The following SLC11A2 variants were observed in gnomAD, a reference collection of about 807,000 sequenced individuals.
SLC11A2 encodes the protein natural resistance-associated macrophage protein 2.
SLC11A2 carries 38 observed loss-of-function variants against 68.0 expected under a neutral mutation model. The ratio of observed to expected loss-of-function variants is 0.56; its 90% confidence interval spans 0.43 to 0.73. The LOEUF is 0.73. SLC11A2 is among the 30% of genes least tolerant of loss of function. The probability of loss-of-function intolerance (pLI) is 0.00; values close to 1 mark genes in which losing one functional copy is unlikely to be tolerated. For missense variants in SLC11A2, 517 were observed against 690.5 expected (o/e 0.75, Z 2.82); for synonymous variants, 242 against 250.6 (o/e 0.97, Z 0.32).
At chr12:51,000,741 C>A in intron 5 of SLC11A2, 1 of 587,178 alleles carries the variant, frequency 1.7e-6, no homozygotes, top group Non-Finnish European at 3.0e-6. Context: ...TTCCTAAAAA[C>A]AATCCTAAAA....
the SLC11A2 span, chr12:50,954,191 T>C: frequency 4.2e-6 from 3 of 720,496 alleles, no homozygotes; most frequent in African/African-American, 5.3e-5. Context: ...AATTGAATTT[T>C]TTCAGATAAT....
At chr12:51,008,169 C>T in intron 3 of SLC11A2, 1 of 293,064 alleles carries the variant, frequency 3.4e-6, no homozygotes, top group Non-Finnish European at 6.5e-6. Flanking sequence ...TGTGCCACTG[C>T]ACTGGAGCCT....
chr12:50,973,723 A>G, the SLC11A2 span, among the ~76,000 whole-genome samples: 1 of 152,214 alleles, frequency 6.6e-6, no homozygotes, highest in East Asian at 1.9e-4. Flanking sequence ...CCCAACACAA[A>G]GAAGTTAAAA....
chr12:50,954,056 A>C, the SLC11A2 span: 1 of 1,613,302 alleles, frequency 6.2e-7, no homozygotes, highest in Non-Finnish European at 8.5e-7. Context: ...ATCCCGACTA[A>C]TCAGGAAATC....
intron 1 of SLC11A2, among the ~76,000 whole-genome samples, chr12:51,021,005 C>A (rs1346282365): frequency 3.3e-5 from 5 of 152,100 alleles, no homozygotes; most frequent in African/African-American, 1.2e-4. Flanking sequence ...GTGGGAGGAT[C>A]CCTTGAGCCC....
At chr12:51,012,038 A>G (rs1362992398) in intron 1 of SLC11A2, among the ~76,000 whole-genome samples, 1 of 152,238 alleles carries the variant, frequency 6.6e-6, no homozygotes, top group Non-Finnish European at 1.5e-5. Context: ...GTCTGCAGCC[A>G]TAATGTTCTA....
At chr12:50,960,912 T>TTTA in the SLC11A2 span, 48 of 1,475,230 alleles carry the variant, frequency 3.3e-5, no homozygotes, top group African/African-American at 9.9e-5. Context: ...ACTCCTGGTC[T>TTTA]CACACGATGC....
downstream of SLC11A2, among the ~76,000 whole-genome samples, chr12:50,985,650 A>G (rs969090211): frequency 2.6e-5 from 4 of 152,256 alleles, no homozygotes; most frequent in African/African-American, 9.6e-5. Flanking sequence ...AAAGTGAAAC[A>G]GTGAAATAAG....
rs1409441088 is a variant in SLC11A2, at chr12:50,990,896, T to C, written c.1474A>G (p.Met492Val). 3 of 1,613,912 alleles carry C rather than the reference T, an allele frequency of 1.9e-6. No homozygotes were observed. Among genetic ancestry groups the C allele is most frequent in the Non-Finnish European group, 2.5e-6 (3 of 1,179,890 alleles). ...ILVLIICSIN[M>V]YFVVVYVRDL... Reference sequence around the variant, plus strand: ...CGGACATAAACCACTACAAAGTACATATTGATGGAACAGATGATAAGGACC... The same window carrying C: ...CGGACATAAACCACTACAAAGTACACATTGATGGAACAGATGATAAGGACC... The change falls in exon 15 of 16, where the codon ATG (methionine) becomes GTG (valine). Residue 492 changes from methionine to valine, a missense_variant. Met to Val is a conservative substitution (Grantham distance 21). Coordinates refer to ENST00000262052, the MANE Select transcript of SLC11A2 (RefSeq NM_000617.3).
chr12:51,005,693 C>T (rs180805825), intron 3 of SLC11A2: 107 of 1,319,962 alleles, frequency 8.1e-5, no homozygotes, highest in Admixed American at 5.4e-4. Flanking sequence ...ACCAGAATAA[C>T]AGTATCAGTA....
Position 51,025,306 on chromosome 12 carries a change from G to A in SLC11A2, c.-39+1004C>T, listed in dbSNP as rs528152309. Among the ~76,000 whole-genome samples, 16 of 152,284 alleles carry A rather than the reference G, an allele frequency of 1.1e-4. No homozygotes were observed. In the South Asian group the frequency reaches 3.1e-3, roughly 30 times the overall value. ...AACTCCTCCACATCAAGAGTTCTAA[G>A]TACTTTGTTGTTTATTAACTAATTT... On this transcript the variant is annotated intron_variant, in intron 1 of 15. Transcript: ENST00000262052.
the SLC11A2 span, among the ~76,000 whole-genome samples, chr12:50,968,102 A>AAGG: frequency 1.0e-3 from 148 of 147,352 alleles, no homozygotes; most frequent in African/African-American, 1.1e-3. Flanking sequence ...TAAGAAGAAG[A>AAGG]AGGAGGAGGA....
At chr12:50,978,252 A>G, downstream of SLC11A2, among the ~76,000 whole-genome samples, 1 of 148,964 alleles carries the variant, frequency 6.7e-6, no homozygotes, top group East Asian at 2.0e-4. Flanking sequence ...CAAATGTCCA[A>G]CAATGATAGA....
intron 9 of SLC11A2, among the ~76,000 whole-genome samples, chr12:50,996,500 G>A (rs547339933): frequency 3.9e-4 from 59 of 151,986 alleles, no homozygotes; most frequent in African/African-American, 1.3e-3. Context: ...ACTTGAACCC[G>A]GGAGGGAGAG....
At chr12:50,984,001 C>T (rs1940304646), downstream of SLC11A2, among the ~76,000 whole-genome samples, 1 of 149,672 alleles carries the variant, frequency 6.7e-6, no homozygotes, top group African/African-American at 2.5e-5. Context: ...TGGTGGTGGG[C>T]ACCTGTAATC....
rs540791022 is a variant in SLC11A2, at chr12:51,020,917, T to C, written c.-39+5393A>G. On this transcript the variant is annotated intron_variant, in intron 1 of 15. Coordinates refer to ENST00000262052, the MANE Select transcript of SLC11A2 (RefSeq NM_000617.3). ...CCAGCCTGGGCGACATAGTGAGACA[T>C]TGTCTCTACAAAAAATTTAAGAATT... Among the ~76,000 whole-genome samples, 15 of 151,798 alleles carry C rather than the reference T, an allele frequency of 9.9e-5. No homozygotes were observed. The South Asian group carries it at 1.0e-3, about 11-fold the overall frequency.
In SLC11A2 at chr12:50,992,291, G is replaced by C. The variant is rs121918366; in HGVS notation, c.1246C>G (p.Arg416Gly). ...WSRFARVVLTRSIAIIPTLLV... is the reference protein window; with the variant it reads ...WSRFARVVLTGSIAIIPTLLV... ...AGAGTGGGGATGATGGCAATAGAGC[G>C]AGTCAGAACCACTCGGGCAAAGCGT... Residue 416 changes from arginine to glycine, a missense_variant, in exon 13 of 16, where the codon CGC becomes GGC. Transcript: ENST00000262052. 6.2e-7 allele frequency: 1 copy of C among 1,613,868 alleles called. No homozygotes were observed. Among genetic ancestry groups the C allele is most frequent in the Non-Finnish European group, 8.5e-7 (1 of 1,179,874 alleles).
rs1940557708 is a variant in SLC11A2, at chr12:50,986,406, C to T, written c.*1919G>A. On this transcript the variant is annotated 3_prime_UTR_variant, in exon 16 of 16. Coordinates refer to ENST00000262052, the MANE Select transcript of SLC11A2 (RefSeq NM_000617.3). ...AGTACACACATAATATTATAAAATG[C>T]CATTTAATTGGAAGGAGTTTTCTAT... 4.7e-6 allele frequency: 6 copies of T among 1,280,896 alleles called. No individual in the cohort carries two copies. The highest frequency in any genetic ancestry group is 5.1e-6 in the Non-Finnish European group (5 of 983,504). 79.3% of individuals were successfully genotyped at this position (1,280,896 alleles called of 1,614,324 possible). A position where few individuals can be genotyped will look rare whatever the true frequency, so the allele number is the denominator to read the frequency against.
Position 51,000,435 on chromosome 12 carries a change from T to C in SLC11A2, c.430-16A>G. On this transcript the variant is annotated splice_polypyrimidine_tract_variant and intron_variant, in intron 5 of 15. Coordinates refer to ENST00000262052, the MANE Select transcript of SLC11A2 (RefSeq NM_000617.3). ...CTCGTGGGACCTAAACATCAAACAG[T>C]AGAAAGACACGGTTCTGATTAATCA... 6.4e-7 allele frequency: 1 copy of C among 1,567,822 alleles called. No individual in the cohort carries two copies. Among genetic ancestry groups the C allele is most frequent in the East Asian group, 2.2e-5 (1 of 44,648 alleles).
Sources: gnomAD v4.1 joint callset for allele counts (sites outside exome capture counted in the v4.1 genomes callset) on GRCh38, gnomAD v4.1.1 for gene constraint, MANE v1.5 for transcripts, NCBI Gene and HGNC (gene_info 2026-07-23, HGNC 2026-07-21) for gene names.